SLC22A23: variants seen among roughly 807,000 people sequenced by gnomAD.
The protein encoded by SLC22A23 is solute carrier family 22 member 23.
In SLC22A23, 26 loss-of-function variants were observed where a neutral mutation model predicts 61.0. That is an observed-to-expected ratio of 0.43 (90% confidence interval 0.31 to 0.59). SLC22A23 has a LOEUF of 0.59. Among genes scored for constraint, SLC22A23 ranks in the 20% least tolerant of loss-of-function variants. The pLI is 0.11. For missense variants in SLC22A23, 796 were observed against 934.7 expected (o/e 0.85, Z 1.94); for synonymous variants, 430 against 413.9 (o/e 1.04, Z -0.47).
chr6:3,269,616 C>G lies in SLC22A23; in HGVS notation c.*3439G>C, dbSNP rs1349551816. On this transcript the variant is annotated 3_prime_UTR_variant, in exon 10 of 10. Coordinates refer to ENST00000406686, the MANE Select transcript of SLC22A23 (RefSeq NM_015482.2). ...AACGAGCACCGTCAGAGAATTCCCA[C>G]CCACACGTACAGAAACACAGTTTTT... 1 of 152,600 alleles carries G rather than the reference C, an allele frequency of 6.6e-6. No individual in the cohort carries two copies. Among genetic ancestry groups the G allele is most frequent in the Non-Finnish European group, 1.5e-5 (1 of 68,006 alleles). 9.5% of individuals were successfully genotyped at this position (152,600 alleles called of 1,614,324 possible). A position where few individuals can be genotyped will look rare whatever the true frequency, so the allele number is the denominator to read the frequency against.
chr6:3,274,105 C>T (rs1043430376), intron 9 of SLC22A23, among the ~76,000 whole-genome samples: 1 of 152,190 alleles, frequency 6.6e-6, no homozygotes, highest in Non-Finnish European at 1.5e-5. Flanking sequence ...GTCCAGAAGG[C>T]AAGCCATTGA....
rs1581817145 is a variant in SLC22A23, at chr6:3,398,777, C to A, written c.913+11411G>T. Among the ~76,000 whole-genome samples, 2 of 152,156 alleles carry A rather than the reference C, an allele frequency of 1.3e-5. 1 individual carries two copies. Among genetic ancestry groups the A allele is most frequent in the East Asian group, 3.9e-4 (2 of 5,160 alleles). ...AGATGTGGTGGCTCATACCTGTAAT[C>A]CCAGCACTTTGGGAGGCCGAGATGG... is the stretch of plus-strand genomic sequence containing the variant. On this transcript the variant is annotated intron_variant, in intron 3 of 9. Transcript: ENST00000406686.
intron 9 of SLC22A23, among the ~76,000 whole-genome samples, chr6:3,273,810 C>G (rs1210013039): frequency 3.3e-5 from 5 of 152,144 alleles, no homozygotes; most frequent in Non-Finnish European, 7.3e-5. Flanking sequence ...TGAAATTATG[C>G]CATTTCCTGA....
At chr6:3,443,066 A>T (rs2127552968) in intron 1 of SLC22A23, among the ~76,000 whole-genome samples, 1 of 152,356 alleles carries the variant, frequency 6.6e-6, no homozygotes, top group South Asian at 2.1e-4. Flanking sequence ...CCCTGGGAAA[A>T]GTAGGCCCTC....
At chr6:3,349,674 A>G (rs744375) in intron 3 of SLC22A23, among the ~76,000 whole-genome samples, 59,775 of 152,056 alleles carry the variant, frequency 0.39, 13,372 homozygotes, top group African/African-American at 0.61. Context: ...AATATTGAAT[A>G]CTCAACCACC....
At chr6:3,433,661 CCATCACCAATGGAGA>C (rs1160794277) in intron 1 of SLC22A23, among the ~76,000 whole-genome samples, 2 of 152,168 alleles carry the variant, frequency 1.3e-5, no homozygotes, top group Admixed American at 6.5e-5. Context: ...AACCCTGCGT[CCATCACCAATGGAGA>C]GAGAAACACA....
At chr6:3,389,710 C>T (rs1581800460) in intron 3 of SLC22A23, among the ~76,000 whole-genome samples, 2 of 152,336 alleles carry the variant, frequency 1.3e-5, no homozygotes, top group Admixed American at 1.3e-4. Flanking sequence ...GGCCTAGAGC[C>T]TGTGCAGGAG....
intron 3 of SLC22A23, among the ~76,000 whole-genome samples, chr6:3,356,150 C>G (rs1234314389): frequency 1.1e-5 from 1 of 88,134 alleles, no homozygotes; most frequent in Non-Finnish European, 2.3e-5. Context: ...GGCTTGTTTC[C>G]GAGTCCGGGT....
chr6:3,284,001 T>C (rs768223864), intron 8 of SLC22A23, 26 bp from the exon 9 acceptor site: 1 of 1,588,284 alleles, frequency 6.3e-7, no homozygotes, highest in East Asian at 2.3e-5. Flanking sequence ...AAGAAGGTGG[T>C]GAGGGAAGAG....
At chr6:3,310,508 C>T (rs774643353) in intron 4 of SLC22A23, among the ~76,000 whole-genome samples, 2 of 152,216 alleles carry the variant, frequency 1.3e-5, no homozygotes, top group Non-Finnish European at 2.9e-5. Context: ...GCTTGTGGTC[C>T]ACATTCCCAT....
intron 7 of SLC22A23, among the ~76,000 whole-genome samples, chr6:3,285,958 G>T (rs1388774705): frequency 6.6e-6 from 1 of 152,138 alleles, no homozygotes; most frequent in Non-Finnish European, 1.5e-5. Context: ...AGGCTCATCG[G>T]TCCTGCCTGT....
At chr6:3,452,358 C>T (rs12191127) in intron 1 of SLC22A23, among the ~76,000 whole-genome samples, 4,099 of 151,942 alleles carry the variant, frequency 0.027, 184 homozygotes, top group East Asian at 0.23. Context: ...TTTGGGAGGC[C>T]GAGGCAGAAG....
intron 5 of SLC22A23, chr6:3,291,030 C>T (rs56026460): frequency 0.11 from 16,161 of 152,248 alleles, 1,199 homozygotes; most frequent in African/African-American, 0.2. Flanking sequence ...ATGGAAAGCA[C>T]GATGATGGGA....
intron 1 of SLC22A23, among the ~76,000 whole-genome samples, chr6:3,441,735 C>T (rs1052872782): frequency 1.6e-4 from 24 of 152,332 alleles, no homozygotes; most frequent in African/African-American, 5.8e-4. Flanking sequence ...CCATTCCCTG[C>T]CCCGCTCATC....
intron 4 of SLC22A23, among the ~76,000 whole-genome samples, chr6:3,301,961 T>C (rs1160631554): frequency 6.6e-6 from 1 of 152,244 alleles, no homozygotes; most frequent in Non-Finnish European, 1.5e-5. Flanking sequence ...GTAAAACGAG[T>C]TGGAAGAATT....
At chr6:3,315,755 T>G (rs1453946759) in intron 4 of SLC22A23, among the ~76,000 whole-genome samples, 1 of 151,986 alleles carries the variant, frequency 6.6e-6, no homozygotes, top group Non-Finnish European at 1.5e-5. Flanking sequence ...TCCCAGCTAC[T>G]TAGGAGGCTG....
chr6:3,307,977 C>T (rs559337371), intron 4 of SLC22A23, among the ~76,000 whole-genome samples: 1 of 152,184 alleles, frequency 6.6e-6, no homozygotes, highest in Admixed American at 6.5e-5. Flanking sequence ...AAGCCAGCTG[C>T]CGAGGGAGGA....
chr6:3,299,998 CTTTTTTTTTTTTTTTTTTT>C (rs869114176), intron 4 of SLC22A23, among the ~76,000 whole-genome samples: 1 of 78,800 alleles, frequency 1.3e-5, no homozygotes, highest in Admixed American at 1.9e-4. Context: ...TCAGGATAGA[CTTTTTTTTTTTTTTTTTTT>C]TTTTTTTTTT....
intron 3 of SLC22A23, among the ~76,000 whole-genome samples, chr6:3,355,373 A>T (rs1157863871): frequency 6.6e-6 from 1 of 152,146 alleles, no homozygotes; most frequent in Non-Finnish European, 1.5e-5. Flanking sequence ...GAGGAAGACA[A>T]GCATGCTGCT....
Sources: gnomAD v4.1 joint callset for allele counts (sites outside exome capture counted in the v4.1 genomes callset) on GRCh38, gnomAD v4.1.1 for gene constraint, MANE v1.5 for transcripts, NCBI Gene and HGNC (gene_info 2026-07-23, HGNC 2026-07-21) for gene names.